ASTN1: variants seen among roughly 807,000 people sequenced by gnomAD.
The protein encoded by ASTN1 is astrotactin 1, also known as astrotactin-1.
In ASTN1, 41 loss-of-function variants were observed where a neutral mutation model predicts 140.7. That is an observed-to-expected ratio of 0.29 (90% CI 0.23 to 0.38). The LOEUF is 0.38. Among genes scored for constraint, ASTN1 ranks in the 10% least tolerant of loss-of-function variants. ASTN1 has a pLI of 1.00. For missense variants in ASTN1, 1,479 were observed against 1,678.8 expected (o/e 0.88, Z 2.08); for synonymous variants, 640 against 652.2 (o/e 0.98, Z 0.29).
intron 2 of ASTN1, among the ~76,000 whole-genome samples, chr1:177,043,359 T>C (rs1184722463): frequency 6.6e-6 from 1 of 152,164 alleles, no homozygotes; most frequent in Non-Finnish European, 1.5e-5. Context: ...TACAGTCAGG[T>C]CACACAAAAA....
At chr1:177,011,612 A>G (rs1017316800) in intron 8 of ASTN1, among the ~76,000 whole-genome samples, 1 of 151,370 alleles carries the variant, frequency 6.6e-6, no homozygotes, top group Admixed American at 6.6e-5. Context: ...TCACACATAT[A>G]CCACATGTGC....
intron 1 of ASTN1, among the ~76,000 whole-genome samples, chr1:177,158,509 T>A (rs1683340557): frequency 6.6e-6 from 1 of 152,172 alleles, no homozygotes; most frequent in Non-Finnish European, 1.5e-5. Flanking sequence ...TGCATATACA[T>A]GAACTGGTTT....
chr1:176,940,430 T>G (rs887363556), intron 14 of ASTN1, among the ~76,000 whole-genome samples: 1 of 152,208 alleles, frequency 6.6e-6, no homozygotes, highest in African/African-American at 2.4e-5. Context: ...CAGTTCCACT[T>G]AAGTCCAACC....
chr1:177,164,140 A>G (rs548375916), intron 1 of ASTN1, among the ~76,000 whole-genome samples: 2 of 152,134 alleles, frequency 1.3e-5, no homozygotes, highest in Admixed American at 6.5e-5. Flanking sequence ...AGAGAGACTC[A>G]TGCAACCTGT....
At chr1:177,068,850 C>T (rs2102050275) in intron 1 of ASTN1, among the ~76,000 whole-genome samples, 1 of 141,628 alleles carries the variant, frequency 7.1e-6, no homozygotes, top group South Asian at 2.3e-4. Flanking sequence ...GATAGGATCT[C>T]ACTCCAGTGC....
intron 9 of ASTN1, among the ~76,000 whole-genome samples, chr1:176,961,075 C>A (rs1018934829): frequency 1.3e-5 from 2 of 152,192 alleles, no homozygotes; most frequent in Non-Finnish European, 2.9e-5. Context: ...CACTGCCTCA[C>A]ACAATTTCTG....
chr1:176,960,679 C>G (rs1040575250), intron 9 of ASTN1, among the ~76,000 whole-genome samples: 1 of 152,220 alleles, frequency 6.6e-6, no homozygotes, highest in Non-Finnish European at 1.5e-5. Context: ...CTGATGGCTT[C>G]TTCTGCTTCT....
At chr1:177,043,980 C>G (rs549763140) in intron 2 of ASTN1, among the ~76,000 whole-genome samples, 1 of 152,148 alleles carries the variant, frequency 6.6e-6, no homozygotes, top group South Asian at 2.1e-4. Flanking sequence ...AGCACAAAAT[C>G]TGAAGAAGAG....
intron 1 of ASTN1, among the ~76,000 whole-genome samples, chr1:177,063,576 C>G (rs1366806043): frequency 6.6e-6 from 1 of 152,168 alleles, no homozygotes; most frequent in African/African-American, 2.4e-5. Flanking sequence ...GTGGGCATGT[C>G]TGTGGGGGTG....
chr1:176,963,131 C>A (rs1557994592), intron 9 of ASTN1, among the ~76,000 whole-genome samples: 1 of 152,098 alleles, frequency 6.6e-6, no homozygotes, highest in Non-Finnish European at 1.5e-5. Context: ...ACAAAAGGTT[C>A]TCTAGAAGAA....
chr1:177,004,723 A>G (rs1674910059), intron 8 of ASTN1, among the ~76,000 whole-genome samples: 1 of 152,108 alleles, frequency 6.6e-6, no homozygotes, highest in South Asian at 2.1e-4. Flanking sequence ...ACAAAAACCA[A>G]GGAAAGGACA....
intron 8 of ASTN1, among the ~76,000 whole-genome samples, chr1:176,979,285 G>A (rs1280417337): frequency 6.6e-6 from 1 of 152,116 alleles, no homozygotes; most frequent in Non-Finnish European, 1.5e-5. Context: ...ATGTAGCAAT[G>A]GTGGCTATCA....
At chr1:176,857,436 A>AG, downstream of ASTN1, 1 of 403,418 alleles carries the variant, frequency 2.5e-6, no homozygotes, top group Non-Finnish European at 4.4e-6. Flanking sequence ...TTGGGATTAT[A>AG]GAAGGACAAA....
At position 176,864,178 on chromosome 1, in the gene ASTN1, AG is replaced by A. The variant is rs1228874205; in HGVS notation, c.*105del. On this transcript the variant is annotated 3_prime_UTR_variant, in exon 23 of 23. Transcript: ENST00000361833. ...CTCCCTGGTTTCGATGTTGCTGTGG[AG>A]GTTTTCATGTTCCATTAAAAAATAT... 7 of 1,507,994 alleles carry A rather than the reference AG, an allele frequency of 4.6e-6. No individual in the cohort carries two copies. Among genetic ancestry groups the A allele is most frequent in the Non-Finnish European group, 6.2e-6 (7 of 1,136,048 alleles). 93.4% of individuals were successfully genotyped at this position (1,507,994 alleles called of 1,614,324 possible). A position where few individuals can be genotyped will look rare whatever the true frequency, so the allele number is the denominator to read the frequency against.
intron 1 of ASTN1, among the ~76,000 whole-genome samples, chr1:177,135,929 A>G (rs1682174697): frequency 1.3e-5 from 2 of 152,214 alleles, no homozygotes; most frequent in Non-Finnish European, 2.9e-5. Context: ...TTTTACAAGC[A>G]TTGTTCTAGA....
At chr1:177,160,838 A>C (rs1352053533) in intron 1 of ASTN1, among the ~76,000 whole-genome samples, 1 of 152,222 alleles carries the variant, frequency 6.6e-6, no homozygotes, top group Non-Finnish European at 1.5e-5. Context: ...GGCTTTCACC[A>C]CACATCTGAA....
rs1015400259 is a variant in ASTN1, at chr1:176,884,718, G to A, written c.3075-228C>T. 5.9e-5 allele frequency among the ~76,000 whole-genome samples: 9 copies of A among 152,302 alleles called. 1 individual carries two copies. In the South Asian group the frequency reaches 1.9e-3, roughly 32 times the overall value. Reference sequence around the variant, plus strand: ...CATATTATAAACTCAGCCAATAAGTGTAAATAAATAAATCAGTAGGTGAGT... The same window carrying A: ...CATATTATAAACTCAGCCAATAAGTATAAATAAATAAATCAGTAGGTGAGT... On this transcript the variant is annotated intron_variant, in intron 18 of 22. Transcript: ENST00000361833.
chr1:176,874,382 T>G (rs993308869), intron 21 of ASTN1, among the ~76,000 whole-genome samples: 2 of 152,226 alleles, frequency 1.3e-5, no homozygotes, highest in Non-Finnish European at 2.9e-5. Flanking sequence ...TGAACAGTCT[T>G]TTAAAATGTG....
chr1:177,055,479 T>G (rs1266162393), intron 2 of ASTN1, among the ~76,000 whole-genome samples: 1 of 152,186 alleles, frequency 6.6e-6, no homozygotes, highest in Admixed American at 6.5e-5. Flanking sequence ...GCAAAGAGGT[T>G]TTGTTTCAAG....
Sources: gnomAD v4.1 joint callset for allele counts (sites outside exome capture counted in the v4.1 genomes callset) on GRCh38, gnomAD v4.1.1 for gene constraint, MANE v1.5 for transcripts, NCBI Gene and HGNC (gene_info 2026-07-23, HGNC 2026-07-21) for gene names.